Variants in GLP1R observed in about 807,000 individuals in gnomAD.
GLP1R encodes the protein glucagon-like peptide 1 receptor.
GLP1R carries 32 observed loss-of-function variants against 68.4 expected under a neutral mutation model. The observed-to-expected ratio is 0.47, with a 90% CI of 0.35 to 0.63. The LOEUF (loss-of-function observed/expected upper bound fraction) is 0.63, where lower values mean the gene tolerates loss of function less well. Among genes scored for constraint, GLP1R ranks in the 20% least tolerant of loss-of-function variants. The pLI is 0.00. For missense variants in GLP1R, 502 were observed against 594.9 expected (o/e 0.84, Z 1.62); for synonymous variants, 263 against 244.4 (o/e 1.08, Z -0.71).
At chr6:39,051,779 G>C (rs1768094182) in intron 1 of GLP1R, among the ~76,000 whole-genome samples, 1 of 151,918 alleles carries the variant, frequency 6.6e-6, no homozygotes, top group African/African-American at 2.4e-5. Context: ...AGTCTGTGTG[G>C]GAATGAGTCC....
rs931317009 is a variant in GLP1R, at chr6:39,090,463, C to T, written c.*4390C>T. Among the ~76,000 whole-genome samples the T allele has an allele frequency of 7.9e-5, 12 of 152,224 alleles. No individual in the cohort carries two copies. The highest frequency in any genetic ancestry group is 5.9e-5 in the Non-Finnish European group (4 of 68,028). Reference sequence around the variant, plus strand: ...CTTCCCTCCCTGCACTCCTCCTCCCCGACAGCTGCCTCAGGAATAGGTGAC... The same window carrying T: ...CTTCCCTCCCTGCACTCCTCCTCCCTGACAGCTGCCTCAGGAATAGGTGAC... On this transcript the variant is annotated 3_prime_UTR_variant, in exon 13 of 13. Transcript: ENST00000373256.
chr6:39,084,937 G>C (rs948393190), intron 12 of GLP1R, among the ~76,000 whole-genome samples: 6 of 152,154 alleles, frequency 3.9e-5, no homozygotes, highest in African/African-American at 1.4e-4. Flanking sequence ...TTGGCCTAAA[G>C]GGAAGGGCCC....
At position 39,066,312 on chromosome 6, in the gene GLP1R, G is replaced by T; in HGVS notation, c.509+9G>T. Reference sequence around the variant, plus strand: ...ATCCTCCTCGGCTTCAGGTAAGGTGGCCCGGACCCTGGGAGGGGGCTGCTT... The same window carrying T: ...ATCCTCCTCGGCTTCAGGTAAGGTGTCCCGGACCCTGGGAGGGGGCTGCTT... On this transcript the variant is annotated intron_variant, in intron 5 of 12. Coordinates refer to ENST00000373256, the MANE Select transcript of GLP1R (RefSeq NM_002062.5). The T allele has an allele frequency of 6.5e-7, 1 of 1,532,490 alleles. No homozygotes were observed. The highest frequency in any genetic ancestry group is 1.4e-5 in the African/African-American group (1 of 73,740). The allele number at this position is 1,532,490 out of a possible 1,614,324, so 94.9% of individuals were successfully genotyped here. A position where few individuals can be genotyped will look rare whatever the true frequency, so the allele number is the denominator to read the frequency against.
intron 1 of GLP1R, among the ~76,000 whole-genome samples, chr6:39,052,885 C>G (rs934152479): frequency 2.0e-5 from 3 of 152,150 alleles, no homozygotes; most frequent in African/African-American, 7.2e-5. Flanking sequence ...GGATTTAGAC[C>G]AAGAACTTAT....
rs937676680 is a variant in GLP1R at position 39,048,911 on chromosome 6, G to A, written c.71G>A (p.Arg24His). 11 of 1,386,324 alleles carry A rather than the reference G, an allele frequency of 7.9e-6. No individual in the cohort carries two copies. Among genetic ancestry groups the A allele is most frequent in the Non-Finnish European group, 9.4e-6 (10 of 1,058,782 alleles). The allele number at this position is 1,386,324 out of a possible 1,614,324, so 85.9% of individuals were successfully genotyped here. ...LLGMVGRAGP[R>H]PQGATVSLWE... ...GGGATGGTGGGCAGGGCCGGCCCCCGCCCCCAGGTGAGATCCAGGGACCCC... is the reference window on the plus strand; with the variant it reads ...GGGATGGTGGGCAGGGCCGGCCCCCACCCCCAGGTGAGATCCAGGGACCCC... Residue 24 changes from arginine (R) to histidine (H), a missense_variant, in exon 1 of 13, where the codon CGC (arginine) becomes CAC (histidine). Transcript: ENST00000373256.
intron 5 of GLP1R, among the ~76,000 whole-genome samples, chr6:39,067,103 C>G (rs996435044): frequency 2.6e-5 from 4 of 152,194 alleles, no homozygotes; most frequent in African/African-American, 4.8e-5. Context: ...CATAGTTACA[C>G]TTCTCTGGGT....
rs1272344351 is a variant in GLP1R, at chr6:39,090,903, T to C, written c.*4830T>C. 6.6e-6 allele frequency among the ~76,000 whole-genome samples: 1 copy of C among 152,148 alleles called. No individual in the cohort carries two copies. Among genetic ancestry groups the C allele is most frequent in the African/African-American group, 2.4e-5 (1 of 41,424 alleles). ...TTCACCCCAGACAGCCAGTGCTTGA[T>C]CTTGCCAAACAGTTTACACTTTACC... On this transcript the variant is annotated 3_prime_UTR_variant, in exon 13 of 13. Transcript: ENST00000373256.
At chr6:39,072,812 G>C in intron 5 of GLP1R, 50 bp from the exon 6 acceptor site, 1 of 1,562,460 alleles carries the variant, frequency 6.4e-7, no homozygotes, top group South Asian at 1.2e-5. Flanking sequence ...GGGTTGTAGA[G>C]CAGAACTGTT....
Position 39,048,928 on chromosome 6 carries a change from A to T in GLP1R, c.78+10A>T. The T allele has an allele frequency of 7.9e-7, 1 of 1,268,522 alleles. No homozygotes were observed. The highest frequency in any genetic ancestry group is 1.0e-6 in the Non-Finnish European group (1 of 959,768). 78.6% of individuals were successfully genotyped at this position (1,268,522 alleles called of 1,614,324 possible). A position where few individuals can be genotyped will look rare whatever the true frequency, so the allele number is the denominator to read the frequency against. On this transcript the variant is annotated intron_variant, in intron 1 of 12. Transcript: ENST00000373256. ...CGGCCCCCGCCCCCAGGTGAGATCCAGGGACCCCGACGACACCGGGGGAGG... is the reference window on the plus strand; with the variant it reads ...CGGCCCCCGCCCCCAGGTGAGATCCTGGGACCCCGACGACACCGGGGGAGG...
At chr6:39,066,437 C>A in intron 5 of GLP1R, 134 bp downstream of exon 5, 1 of 588,688 alleles carries the variant, frequency 1.7e-6, no homozygotes, top group Non-Finnish European at 3.0e-6. Context: ...TCTACAGAGC[C>A]CTGACCGTAG....
intron 1 of GLP1R, among the ~76,000 whole-genome samples, chr6:39,052,151 G>T (rs1343731954): frequency 6.6e-6 from 1 of 151,938 alleles, no homozygotes; most frequent in East Asian, 1.9e-4. Context: ...GTGTCCACGT[G>T]GGGGTTTTTG....
intron 8 of GLP1R, 149 bp from the exon 9 acceptor site, chr6:39,078,808 T>C (rs1264161303): frequency 2.8e-6 from 2 of 713,012 alleles, no homozygotes; most frequent in East Asian, 2.5e-5. Flanking sequence ...GCTCTGTGGG[T>C]CCATGGGACT....
chr6:39,054,851 G>C (rs191684198), intron 1 of GLP1R, among the ~76,000 whole-genome samples: 1 of 152,244 alleles, frequency 6.6e-6, no homozygotes, highest in Non-Finnish European at 1.5e-5. Flanking sequence ...GAAGGGAAAC[G>C]GGGCGGTGGG....
At position 39,090,246 on chromosome 6, in the gene GLP1R, C is replaced by T. The variant is rs892787687; in HGVS notation, c.*4173C>T. 6.6e-6 allele frequency among the ~76,000 whole-genome samples: 1 copy of T among 152,172 alleles called. No individual in the cohort carries two copies. The highest frequency in any genetic ancestry group is 1.9e-4 in the East Asian group (1 of 5,194). On this transcript the variant is annotated 3_prime_UTR_variant, in exon 13 of 13. Transcript: ENST00000373256. ...TGTCTGCAGTATCTATAAGTACTTCCGCTCTGTCAAGGAATACAGACTGGC... is the reference window on the plus strand; with the variant it reads ...TGTCTGCAGTATCTATAAGTACTTCTGCTCTGTCAAGGAATACAGACTGGC...
At position 39,090,562 on chromosome 6, in the gene GLP1R, G is replaced by T. The variant is rs1022514586; in HGVS notation, c.*4489G>T. 1.3e-5 allele frequency among the ~76,000 whole-genome samples: 2 copies of T among 152,164 alleles called. No homozygotes were observed. The highest frequency in any genetic ancestry group is 4.8e-5 in the African/African-American group (2 of 41,422). ...GGGGTGCAGCTGAGAGTGAGGTGCT[G>T]TCAGGGCTGAAAAGGACGCACCTCA... On this transcript the variant is annotated 3_prime_UTR_variant, in exon 13 of 13. Coordinates refer to ENST00000373256, the MANE Select transcript of GLP1R (RefSeq NM_002062.5).
chr6:39,085,772 C>T, intron 12 of GLP1R, 134 bp from the exon 13 acceptor site: 3 of 785,038 alleles, frequency 3.8e-6, no homozygotes, highest in Non-Finnish European at 4.2e-6. Context: ...ATTTAGGAGC[C>T]CGAAGGCCTT....
Position 39,079,536 on chromosome 6 carries a change from G to T in GLP1R, c.1044-28G>T. The T allele has an allele frequency of 1.9e-6, 3 of 1,561,836 alleles. No individual in the cohort carries two copies. Among genetic ancestry groups the T allele is most frequent in the South Asian group, 2.4e-5 (2 of 82,056 alleles). On this transcript the variant is annotated intron_variant, in intron 10 of 12. Coordinates refer to ENST00000373256, the MANE Select transcript of GLP1R (RefSeq NM_002062.5). The surrounding 1 kb of genome is among the most constrained non-coding windows in gnomAD (Gnocchi z 4.5). ...AGAGTCCATGGGAGAGGTCCAGAAT[G>T]ACTCGAGATCTCTGCCCTGCCCCTC...
intron 3 of GLP1R, among the ~76,000 whole-genome samples, chr6:39,064,734 A>C (rs1638431764): frequency 6.6e-6 from 1 of 152,218 alleles, no homozygotes. Context: ...GGTGGGGGAC[A>C]GCCTCTGCTG....
intron 3 of GLP1R, among the ~76,000 whole-genome samples, chr6:39,060,245 G>T (rs1438030084): frequency 1.3e-5 from 2 of 152,202 alleles, no homozygotes; most frequent in East Asian, 1.9e-4. Flanking sequence ...GCTTTCTTGG[G>T]CTGATCAAGC....
Sources: allele counts gnomAD v4.1 joint callset (sites outside exome capture counted in the v4.1 genomes callset), GRCh38; gene constraint gnomAD v4.1.1; non-coding constraint Gnocchi (gnomAD v3.1); transcripts MANE v1.5; gene names NCBI Gene and HGNC (gene_info 2026-07-23, HGNC 2026-07-21).